The following FRYL variants were observed in gnomAD, a reference collection of about 807,000 sequenced individuals.
FRYL encodes FRY like transcription coactivator.
FRYL carries 150 observed loss-of-function variants against 351.2 expected under a neutral mutation model. That is an observed-to-expected ratio of 0.43 (90% CI 0.37 to 0.49). The LOEUF is 0.49. Ranked by LOEUF, FRYL falls within the 20% of genes least tolerant of loss-of-function variation. The pLI, the probability that FRYL is intolerant of heterozygous loss-of-function variation, is 0.00. For synonymous variants in FRYL, 1,153 were observed against 1,257.1 expected (o/e 0.92, Z 1.75); for missense variants, 3,036 against 3,619.3 (o/e 0.84, Z 4.13).
chr4:48,514,868 G>A (rs773456871), intron 56 of FRYL, among the ~76,000 whole-genome samples, 160 bp downstream of exon 56: 13 of 152,110 alleles, frequency 8.5e-5, no homozygotes, highest in Non-Finnish European at 1.8e-4. Context: ...TTTTAAAAAC[G>A]AAGATAGTAT....
Position 48,582,600 on chromosome 4 carries a change from T to C in FRYL, c.1883A>G (p.Asp628Gly), listed in dbSNP as rs750231521. 1 of 1,613,878 alleles carries C rather than the reference T, an allele frequency of 6.2e-7. No homozygotes were observed. The highest frequency in any genetic ancestry group is 1.1e-5 in the South Asian group (1 of 91,066). Reference protein sequence around the residue: ...FVYFIVREVTDVHPTLLDNAV... With the variant: ...FVYFIVREVTGVHPTLLDNAV... The stretch of plus-strand genomic sequence containing the variant: ...ATTATCAAGAAGTGTGGGATGGACA[T>C]CAGTCACTTCACGAACAATAAAATA... The change falls in exon 20 of 64, where the codon GAT (aspartate) becomes GGT (glycine). Residue 628 changes from aspartate (D) to glycine (G), a missense_variant. Coordinates refer to ENST00000358350, the MANE Select transcript of FRYL (RefSeq NM_015030.2).
chr4:48,686,352 T>C (rs371501106), intron 2 of FRYL, among the ~76,000 whole-genome samples: 121 of 152,322 alleles, frequency 7.9e-4, no homozygotes, highest in African/African-American at 2.6e-3. Context: ...TACTAACTTG[T>C]TTGTGCCTGT....
chr4:48,571,604 T>C (rs2149110129), intron 26 of FRYL: 12 of 973,434 alleles, frequency 1.2e-5, no homozygotes, highest in Non-Finnish European at 1.5e-5. Context: ...ATTTACTAGT[T>C]GAAATTTCAC....
intron 3 of FRYL, among the ~76,000 whole-genome samples, chr4:48,657,989 G>A (rs1276741153): frequency 1.3e-5 from 2 of 152,124 alleles, no homozygotes; most frequent in Admixed American, 1.3e-4. Flanking sequence ...CATGGAAGTA[G>A]CTACTTGCTT....
chr4:48,525,254 T>C (rs1725850622), intron 53 of FRYL, among the ~76,000 whole-genome samples: 1 of 150,434 alleles, frequency 6.6e-6, no homozygotes, highest in East Asian at 1.9e-4. Context: ...CAAAAAAAAG[T>C]TTAAAAGCTA....
At chr4:48,671,975 C>A (rs1483648710) in intron 3 of FRYL, among the ~76,000 whole-genome samples, 2 of 148,384 alleles carry the variant, frequency 1.3e-5, no homozygotes, top group East Asian at 4.0e-4. Flanking sequence ...AGGAATTATG[C>A]ACAATAAAAG....
chr4:48,662,866 T>G (rs1001957734), intron 3 of FRYL, among the ~76,000 whole-genome samples: 4 of 151,284 alleles, frequency 2.6e-5, no homozygotes, highest in Non-Finnish European at 4.4e-5. Flanking sequence ...GAATTCTATA[T>G]CCAGTAAAAA....
chr4:48,711,707 G>C (rs1285557998), intron 1 of FRYL, among the ~76,000 whole-genome samples: 14 of 152,352 alleles, frequency 9.2e-5, no homozygotes, highest in African/African-American at 2.9e-4. Flanking sequence ...GCTTTGAAGA[G>C]AGCAGTGGTT....
intron 3 of FRYL, among the ~76,000 whole-genome samples, chr4:48,675,092 G>A (rs1198025892): frequency 3.3e-5 from 5 of 152,150 alleles, no homozygotes; most frequent in African/African-American, 1.2e-4. Context: ...GTGCAGCCCA[G>A]GCTGGAGTGC....
intron 3 of FRYL, among the ~76,000 whole-genome samples, chr4:48,672,933 CAAGTT>C (rs1261434928): frequency 6.6e-6 from 1 of 152,180 alleles, no homozygotes; most frequent in African/African-American, 2.4e-5. Context: ...GGACTTAACA[CAAGTT>C]AACAACTGAG....
intron 47 of FRYL, among the ~76,000 whole-genome samples, 195 bp from the exon 48 acceptor site, chr4:48,536,022 C>T (rs1185537759): frequency 2.0e-5 from 3 of 152,138 alleles, no homozygotes; most frequent in Admixed American, 1.3e-4. Flanking sequence ...AGAGCTAATA[C>T]AGAAAGAGGA....
rs1181497640 is a variant in FRYL at position 48,557,537 on chromosome 4, A to G, written c.4041T>C (p.Ser1347=). 1 of 1,614,140 alleles carries G rather than the reference A, an allele frequency of 6.2e-7. No individual in the cohort carries two copies. The highest frequency in any genetic ancestry group is 1.7e-5 in the Admixed American group (1 of 60,022). The change falls in exon 34 of 64, where the codon AGT becomes AGC. Residue 1347 remains serine, a synonymous_variant. Coordinates refer to ENST00000358350, the MANE Select transcript of FRYL (RefSeq NM_015030.2). ...ATCCTTCTCCCCGTAACCAGCGCCT[A>G]CTAGTCACCATAAGTTCTCGGTCTT... ...SLKDRELMVT[S]RRWLRGEGWG...
chr4:48,748,854 C>T lies in FRYL; in HGVS notation c.-384+31224G>A, dbSNP rs190991800. Among the ~76,000 whole-genome samples, 16 of 152,112 alleles carry T rather than the reference C, an allele frequency of 1.1e-4. No individual in the cohort carries two copies. In the East Asian group the frequency reaches 3.1e-3, roughly 29 times the overall value. ...TGCAGTGGCCAAGTGTGGGAGATGG[C>T]GTAGGGGTTGCAATTTTTAAGTAGT... On this transcript the variant is annotated intron_variant, in intron 1 of 63. Transcript: ENST00000358350.
intron 28 of FRYL, among the ~76,000 whole-genome samples, chr4:48,566,627 G>C (rs1213206125): frequency 6.6e-6 from 1 of 152,146 alleles, no homozygotes; most frequent in East Asian, 1.9e-4. Flanking sequence ...GGTATCCACT[G>C]TCTGTATATA....
chr4:48,660,208 T>G (rs2149471873), intron 3 of FRYL, among the ~76,000 whole-genome samples: 1 of 152,064 alleles, frequency 6.6e-6, no homozygotes, highest in East Asian at 1.9e-4. Context: ...AGCAACACAA[T>G]AAACAACATA....
intron 15 of FRYL, 78 bp from the exon 16 acceptor site, chr4:48,594,094 T>C: frequency 2.6e-6 from 2 of 784,170 alleles, no homozygotes; most frequent in East Asian, 3.2e-5. Flanking sequence ...TAATATACAA[T>C]GACAACAAGA....
chr4:48,736,444 T>C (rs1316597751), intron 1 of FRYL, among the ~76,000 whole-genome samples: 2 of 152,122 alleles, frequency 1.3e-5, no homozygotes, highest in African/African-American at 4.8e-5. Context: ...ATTGATAAGC[T>C]TCTAGCAGGT....
rs1411060430 is a variant in FRYL at position 48,500,046 on chromosome 4, G to A, written c.8767C>T (p.Gln2923Ter). Reference protein sequence around the residue: ...KNKEFISAVAQVKAFRSLWPS... With the variant: ...KNKEFISAVA ...ACGTTTTACCTGAAAGCTTTGACTT[G>A]TGCTACAGCTGATATAAATTCTTTA... is the stretch of plus-strand genomic sequence containing the variant. Residue 2923 changes from glutamine to a stop codon, truncating the protein, a stop_gained, in exon 63 of 64, where the codon CAA becomes TAA. Transcript: ENST00000358350. LOFTEE classifies it high-confidence loss of function. 6.3e-7 allele frequency: 1 copy of A among 1,591,652 alleles called. No homozygotes were observed. Among genetic ancestry groups the A allele is most frequent in the Non-Finnish European group, 8.5e-7 (1 of 1,173,226 alleles).
chr4:48,705,013 C>T (rs1232857748), intron 2 of FRYL, among the ~76,000 whole-genome samples: 1 of 151,540 alleles, frequency 6.6e-6, no homozygotes, highest in East Asian at 1.9e-4. Flanking sequence ...CCCAGCTACT[C>T]GGGTGGCTGA....
Sources: allele counts gnomAD v4.1 joint callset (sites outside exome capture counted in the v4.1 genomes callset), GRCh38; gene constraint gnomAD v4.1.1; transcripts MANE v1.5; gene names NCBI Gene and HGNC (gene_info 2026-07-23, HGNC 2026-07-21).